UNC13B: variants seen among roughly 807,000 people sequenced by gnomAD.
UNC13B encodes unc-13 homolog B.
In UNC13B, 144 loss-of-function variants were observed where a neutral mutation model predicts 211.0. That is an observed-to-expected ratio of 0.68 (90% CI 0.60 to 0.78). UNC13B has a LOEUF of 0.78. Ranked by LOEUF, UNC13B falls within the 30% of genes least tolerant of loss-of-function variation. The pLI is 0.00. For missense variants in UNC13B, 1,777 were observed against 2,002.0 expected (o/e 0.89, Z 2.14); for synonymous variants, 709 against 725.8 (o/e 0.98, Z 0.37).
chr9:35,299,963 A>G (rs1829591997), intron 8 of UNC13B, among the ~76,000 whole-genome samples: 1 of 152,194 alleles, frequency 6.6e-6, no homozygotes. Context: ...GATAGAGGGG[A>G]AAATATCACA....
intron 1 of UNC13B, among the ~76,000 whole-genome samples, chr9:35,210,526 CTT>C (rs1028186336): frequency 3.6e-3 from 148 of 41,304 alleles, no homozygotes; most frequent in African/African-American, 0.011. Flanking sequence ...GTTTAATAAA[CTT>C]ATTTTTTTTT....
At chr9:35,174,047 T>A (rs1013959009) in intron 1 of UNC13B, among the ~76,000 whole-genome samples, 1 of 152,230 alleles carries the variant, frequency 6.6e-6, no homozygotes, top group African/African-American at 2.4e-5. Context: ...TGAGTACTTA[T>A]TTTAATATAA....
chr9:35,214,018 G>C (rs1373594159), intron 1 of UNC13B, among the ~76,000 whole-genome samples: 1 of 152,072 alleles, frequency 6.6e-6, no homozygotes, highest in Non-Finnish European at 1.5e-5. Context: ...ACATGACGTA[G>C]AACATAATCA....
At chr9:35,377,362 G>A in intron 15 of UNC13B, 106 bp from the exon 16 acceptor site, 2 of 1,152,834 alleles carry the variant, frequency 1.7e-6, no homozygotes, top group Non-Finnish European at 2.5e-6. Context: ...TAGCAACCAG[G>A]CTGGCTGCAT....
chr9:35,325,683 A>G (rs935481691), intron 11 of UNC13B, among the ~76,000 whole-genome samples: 1 of 152,206 alleles, frequency 6.6e-6, no homozygotes, highest in South Asian at 2.1e-4. Context: ...ACCTAATTCC[A>G]GAACATTTTC....
intron 13 of UNC13B, 56 bp from the exon 14 acceptor site, chr9:35,375,071 C>T (rs769959652): frequency 5.6e-6 from 9 of 1,599,046 alleles, no homozygotes; most frequent in East Asian, 2.2e-5. Flanking sequence ...CTCCCTCCCC[C>T]AGACTTTGCC....
chr9:35,228,400 A>G (rs1031690418), intron 2 of UNC13B, among the ~76,000 whole-genome samples: 1 of 151,768 alleles, frequency 6.6e-6, no homozygotes. Context: ...GGTTTGTTAC[A>G]TAGGTATACA....
At chr9:35,248,398 C>G (rs368292757) in intron 6 of UNC13B, among the ~76,000 whole-genome samples, 1 of 152,128 alleles carries the variant, frequency 6.6e-6, no homozygotes. Context: ...CTTCTGCTAG[C>G]TTTTGAATGT....
At chr9:35,213,756 G>C (rs1007329638) in intron 1 of UNC13B, among the ~76,000 whole-genome samples, 1 of 152,154 alleles carries the variant, frequency 6.6e-6, no homozygotes, top group Non-Finnish European at 1.5e-5. Flanking sequence ...AAAAGTGTCT[G>C]ACTTGAGTAT....
intron 1 of UNC13B, among the ~76,000 whole-genome samples, chr9:35,219,905 TTGTC>T (rs1295016114): frequency 1.3e-5 from 2 of 152,198 alleles, no homozygotes; most frequent in African/African-American, 4.8e-5. Context: ...ATATGTCTAT[TTGTC>T]TATCATGCAG....
At chr9:35,387,097 CAT>C (rs1331958342) in intron 24 of UNC13B, among the ~76,000 whole-genome samples, 1 of 152,082 alleles carries the variant, frequency 6.6e-6, no homozygotes, top group East Asian at 1.9e-4. Context: ...GTCTCATAAA[CAT>C]ATATATAACT....
Position 35,302,262 on chromosome 9 carries a change from A to G in UNC13B, c.2858A>G (p.Asp953Gly), listed in dbSNP as rs750027121. Residue 953 changes from aspartate (D) to glycine (G), a missense_variant, in exon 9 of 40, where the codon GAC (aspartate) becomes GGC (glycine). Coordinates refer to ENST00000635942, the MANE Select transcript of UNC13B (RefSeq NM_001371189.2). Reference sequence around the variant, plus strand: ...AGTACAGAGGAATTTAAAAAGAATGACCAGATAAATTGTCCTGAAGATGCC... The same window carrying G: ...AGTACAGAGGAATTTAAAAAGAATGGCCAGATAAATTGTCCTGAAGATGCC... Reference protein sequence around the residue: ...FDSTEEFKKNDQINCPEDAKL... With the variant: ...FDSTEEFKKNGQINCPEDAKL... The G allele has an allele frequency of 4.4e-4, 175 of 398,712 alleles. No individual in the cohort carries two copies. Among genetic ancestry groups the G allele is most frequent in the Non-Finnish European group, 6.9e-4 (155 of 225,796 alleles). The allele number at this position is 398,712 out of a possible 1,614,324, so 24.7% of individuals were successfully genotyped here. A position where few individuals can be genotyped will look rare whatever the true frequency, so the allele number is the denominator to read the frequency against.
intron 3 of UNC13B, among the ~76,000 whole-genome samples, chr9:35,233,260 T>C (rs1019844236): frequency 3.3e-5 from 5 of 152,186 alleles, no homozygotes; most frequent in African/African-American, 1.2e-4. Context: ...CTTCCCATCA[T>C]ATGAGGCACA....
In UNC13B at chr9:35,183,848, C is replaced by T. The variant is rs563252750; in HGVS notation, c.22+21543C>T. Among the ~76,000 whole-genome samples, 49 of 137,194 alleles carry T rather than the reference C, an allele frequency of 3.6e-4. 1 individual carries two copies. The South Asian group carries it at 4.4e-3, about 12-fold the overall frequency. The allele number at this position is 137,194 out of a possible 152,430, so 90.0% of individuals were successfully genotyped here. On this transcript the variant is annotated intron_variant, in intron 1 of 39. Coordinates refer to ENST00000635942, the MANE Select transcript of UNC13B (RefSeq NM_001371189.2). ...GGCGCTCCTCGCCTCCCAGACGGGG[C>T]GGCCGGGCAGAGGCGCTCCTTGCCT...
At chr9:35,317,912 A>G in intron 11 of UNC13B, among the ~76,000 whole-genome samples, 1 of 152,196 alleles carries the variant, frequency 6.6e-6, no homozygotes. Context: ...TAAGTTTTTT[A>G]AAAGTAAGGG....
At chr9:35,390,844 G>T in intron 26 of UNC13B, 130 bp downstream of exon 26, 1 of 949,470 alleles carries the variant, frequency 1.1e-6, no homozygotes, top group Non-Finnish European at 1.5e-6. Context: ...GGAATTCTAG[G>T]CCTAGTGGGA....
At chr9:35,377,348 G>A (rs908040116) in intron 15 of UNC13B, 120 bp from the exon 16 acceptor site, 3 of 1,042,854 alleles carry the variant, frequency 2.9e-6, no homozygotes, top group African/African-American at 3.2e-5. Context: ...TAATTGCTGA[G>A]AACTAGCAAC....
At chr9:35,297,090 CTTT>C (rs201558543) in intron 8 of UNC13B, among the ~76,000 whole-genome samples, 2 of 128,152 alleles carry the variant, frequency 1.6e-5, no homozygotes, top group African/African-American at 2.9e-5. Flanking sequence ...TTTTAAGAAG[CTTT>C]TTTTTTTTTT....
At chr9:35,257,583 A>C (rs1325233399) in intron 6 of UNC13B, among the ~76,000 whole-genome samples, 1 of 97,146 alleles carries the variant, frequency 1.0e-5, no homozygotes, top group Admixed American at 1.0e-4. Flanking sequence ...TCTGTATCAA[A>C]AAAAAAAAAA....
Sources: gnomAD v4.1 joint callset for allele counts (sites outside exome capture counted in the v4.1 genomes callset) on GRCh38, gnomAD v4.1.1 for gene constraint, MANE v1.5 for transcripts, NCBI Gene and HGNC (gene_info 2026-07-23, HGNC 2026-07-21) for gene names.